CACNB2: variants seen among roughly 807,000 people sequenced by gnomAD.
The protein encoded by CACNB2 is calcium voltage-gated channel auxiliary subunit beta 2.
CACNB2 carries 42 observed loss-of-function variants against 73.3 expected under a neutral mutation model. The ratio of observed to expected loss-of-function variants is 0.57; its 90% CI spans 0.45 to 0.74. The LOEUF is 0.74. Among genes scored for constraint, CACNB2 ranks in the 30% least tolerant of loss-of-function variants. The pLI is 0.00. For synonymous variants in CACNB2, 348 were observed against 310.3 expected (o/e 1.12, Z -1.28); for missense variants, 940 against 853.0 (o/e 1.10, Z -1.27).
intron 2 of CACNB2, among the ~76,000 whole-genome samples, chr10:18,332,499 A>G (rs2040844416): frequency 6.6e-6 from 1 of 152,194 alleles, no homozygotes; most frequent in Admixed American, 6.5e-5. Context: ...AAAGACCTTA[A>G]ATATTTAGGA....
chr10:18,449,184 A>G (rs555225806), intron 3 of CACNB2, among the ~76,000 whole-genome samples: 38 of 152,278 alleles, frequency 2.5e-4, no homozygotes, highest in Non-Finnish European at 5.0e-4. Flanking sequence ...GGAGATCAAG[A>G]CCGTCCTGGC....
chr10:18,376,445 C>A (rs2042801641), intron 2 of CACNB2, among the ~76,000 whole-genome samples: 1 of 151,922 alleles, frequency 6.6e-6, no homozygotes. Flanking sequence ...TTTGGTAGCA[C>A]AACAGGATGA....
At chr10:18,409,265 T>A (rs1424965400) in intron 3 of CACNB2, among the ~76,000 whole-genome samples, 1 of 147,684 alleles carries the variant, frequency 6.8e-6, no homozygotes, top group Non-Finnish European at 1.5e-5. Flanking sequence ...GCCATTGCAC[T>A]CCAGCCTGGG....
intron 2 of CACNB2, among the ~76,000 whole-genome samples, chr10:18,359,095 A>T (rs552809733): frequency 2.0e-5 from 3 of 152,278 alleles, no homozygotes; most frequent in African/African-American, 7.2e-5. Context: ...TAACCACTGA[A>T]ATACTGATAG....
chr10:18,319,978 C>A (rs994503518), intron 2 of CACNB2, among the ~76,000 whole-genome samples: 1 of 152,172 alleles, frequency 6.6e-6, no homozygotes, highest in Admixed American at 6.5e-5. Context: ...CCAGACAGAC[C>A]GGGAGGGACA....
At chr10:18,519,650 T>C (rs566573237) in intron 9 of CACNB2, 37 of 451,300 alleles carry the variant, frequency 8.2e-5, no homozygotes, top group Non-Finnish European at 1.4e-4. Context: ...CATGTAAAAA[T>C]GTTAATTCCT....
Position 18,335,890 on chromosome 10 carries a change from A to G in CACNB2, c.214-66034A>G, listed in dbSNP as rs138353151. Among the ~76,000 whole-genome samples the G allele has an allele frequency of 1.7e-3, 262 of 152,078 alleles. 1 individual carries two copies. Among genetic ancestry groups the G allele is most frequent in the African/African-American group, 5.8e-3 (239 of 41,464 alleles). On this transcript the variant is annotated intron_variant, in intron 2 of 13. Transcript: ENST00000324631. ...CTTGGAAAGGCATTGAAATTCCTAT[A>G]TGTTCCATTTAGAATTTCCATCCTC...
chr10:18,330,182 C>T lies in CACNB2; in HGVS notation c.214-71742C>T, dbSNP rs140847828. Among the ~76,000 whole-genome samples the T allele has an allele frequency of 4.5e-3, 691 of 152,192 alleles. 7 individuals are homozygous for T. The highest frequency in any genetic ancestry group is 0.016 in the African/African-American group (676 of 41,522). On this transcript the variant is annotated intron_variant, in intron 2 of 13. Transcript: ENST00000324631. Reference sequence around the variant, plus strand: ...AATTCAGATATTTATAAAGATAACACAAAGAAGTCCTAAAAATCGCATTCA... The same window carrying T: ...AATTCAGATATTTATAAAGATAACATAAAGAAGTCCTAAAAATCGCATTCA...
chr10:18,410,974 C>T (rs1382363109), intron 3 of CACNB2, among the ~76,000 whole-genome samples: 3 of 151,872 alleles, frequency 2.0e-5, no homozygotes, highest in African/African-American at 7.3e-5. Flanking sequence ...AGCAAGACTC[C>T]ATTTAAAAAA....
chr10:18,500,160 T>G (rs1320515760), intron 4 of CACNB2, among the ~76,000 whole-genome samples: 1 of 152,182 alleles, frequency 6.6e-6, no homozygotes, highest in African/African-American at 2.4e-5. Flanking sequence ...AGGGGGATCT[T>G]TCCACCATGA....
chr10:18,426,194 T>C (rs1211538989), intron 3 of CACNB2, among the ~76,000 whole-genome samples: 3 of 152,212 alleles, frequency 2.0e-5, no homozygotes, highest in Non-Finnish European at 4.4e-5. Flanking sequence ...AGTCTGTAGA[T>C]CAACTTGGAG....
chr10:18,161,030 G>A (rs1054816662), intron 2 of CACNB2, among the ~76,000 whole-genome samples: 6 of 152,252 alleles, frequency 3.9e-5, no homozygotes, highest in Middle Eastern at 3.4e-3. Context: ...CCCCCTACCC[G>A]CCTCAGAGCT....
intron 5 of CACNB2, among the ~76,000 whole-genome samples, chr10:18,503,656 CT>C (rs1004803558): frequency 1.3e-5 from 2 of 152,168 alleles, no homozygotes; most frequent in African/African-American, 4.8e-5. Flanking sequence ...GACATTGCTC[CT>C]GTCAACTAGG....
intron 3 of CACNB2, among the ~76,000 whole-genome samples, chr10:18,493,916 A>G (rs2049615840): frequency 6.6e-6 from 1 of 152,060 alleles, no homozygotes; most frequent in African/African-American, 2.4e-5. Context: ...CCTTGACTGT[A>G]CTCTAATTTT....
chr10:18,206,877 G>T (rs1240689014), intron 2 of CACNB2: 1 of 152,246 alleles, frequency 6.6e-6, no homozygotes, highest in East Asian at 1.9e-4. Flanking sequence ...GATTGGTGCA[G>T]TAGTTCCCAA....
intron 2 of CACNB2, among the ~76,000 whole-genome samples, chr10:18,298,474 T>G (rs1326741625): frequency 6.6e-6 from 1 of 152,130 alleles, no homozygotes; most frequent in East Asian, 1.9e-4. Flanking sequence ...ATGTCATAGA[T>G]CATTTTAAAT....
At chr10:18,486,921 C>T (rs988855782) in intron 3 of CACNB2, among the ~76,000 whole-genome samples, 3 of 151,974 alleles carry the variant, frequency 2.0e-5, no homozygotes, top group African/African-American at 4.8e-5. Flanking sequence ...AGTTTAAGAG[C>T]GGAGGTTTAA....
At chr10:18,504,964 T>C (rs1044945453) in intron 5 of CACNB2, among the ~76,000 whole-genome samples, 2 of 152,172 alleles carry the variant, frequency 1.3e-5, no homozygotes, top group Non-Finnish European at 2.9e-5. Context: ...ATTTTAAATG[T>C]AGTTTTGTTT....
intron 11 of CACNB2, among the ~76,000 whole-genome samples, chr10:18,535,766 A>C (rs1021292665): frequency 6.6e-6 from 1 of 151,496 alleles, no homozygotes; most frequent in African/African-American, 2.4e-5. Flanking sequence ...GAGCGAGACT[A>C]CATCTCAAAA....
Sources: allele counts gnomAD v4.1 joint callset (sites outside exome capture counted in the v4.1 genomes callset), GRCh38; gene constraint gnomAD v4.1.1; transcripts MANE v1.5; gene names NCBI Gene and HGNC (gene_info 2026-07-23, HGNC 2026-07-21).